The following PLCE1 variants were observed in gnomAD, a reference collection of about 807,000 sequenced individuals.
PLCE1 encodes phospholipase C epsilon 1, also known as 1-phosphatidylinositol 4,5-bisphosphate phosphodiesterase epsilon-1.
In PLCE1, 119 loss-of-function variants were observed where a neutral mutation model predicts 242.8. That is an observed-to-expected ratio of 0.49 (90% CI 0.42 to 0.57). PLCE1 has a LOEUF of 0.57. PLCE1 is among the 20% of genes least tolerant of loss of function. The probability of loss-of-function intolerance (pLI) is 0.00; values close to 1 mark genes in which losing one functional copy is unlikely to be tolerated. For missense variants in PLCE1, 2,441 were observed against 2,788.8 expected, an observed-to-expected ratio of 0.88 and a Z score of 2.81; for synonymous variants, 945 against 1,017.4, an observed-to-expected ratio of 0.93 and a Z score of 1.35.
At chr10:94,251,808 C>T (rs1263297090) in intron 8 of PLCE1, among the ~76,000 whole-genome samples, 1 of 152,080 alleles carries the variant, frequency 6.6e-6, no homozygotes, top group Non-Finnish European at 1.5e-5. Flanking sequence ...TTAGGAGCTC[C>T]CTGGGGCCCT....
chr10:94,311,698 G>A (rs564875534), intron 27 of PLCE1, among the ~76,000 whole-genome samples: 13 of 152,156 alleles, frequency 8.5e-5, no homozygotes, highest in Non-Finnish European at 1.5e-4. Flanking sequence ...TTGTGGTAGA[G>A]TCTTCCTAAT....
intron 4 of PLCE1, among the ~76,000 whole-genome samples, chr10:94,205,935 G>T (rs896880819): frequency 3.3e-5 from 5 of 152,224 alleles, no homozygotes; most frequent in Non-Finnish European, 7.3e-5. Flanking sequence ...TGTGTGCCAT[G>T]CACTGTTCTA....
intron 2 of PLCE1, among the ~76,000 whole-genome samples, chr10:94,062,292 A>G (rs1448002555): frequency 6.6e-6 from 1 of 150,734 alleles, no homozygotes; most frequent in South Asian, 2.1e-4. Context: ...GTTTTTTTTC[A>G]TTTTTGGAGG....
At chr10:94,308,213 T>C (rs771302788) in intron 26 of PLCE1, among the ~76,000 whole-genome samples, 1 of 152,244 alleles carries the variant, frequency 6.6e-6, no homozygotes, top group Non-Finnish European at 1.5e-5. Context: ...AATCTTCCAT[T>C]GTGGGAATGT....
intron 4 of PLCE1, among the ~76,000 whole-genome samples, chr10:94,171,939 C>T (rs1049291909): frequency 2.0e-5 from 3 of 152,156 alleles, no homozygotes; most frequent in Non-Finnish European, 4.4e-5. Context: ...GCAGAAACAC[C>T]TAGGTCACCA....
At chr10:94,072,440 C>T (rs2044388765) in intron 2 of PLCE1, among the ~76,000 whole-genome samples, 1 of 152,014 alleles carries the variant, frequency 6.6e-6, no homozygotes, top group Non-Finnish European at 1.5e-5. Flanking sequence ...CCATGCCTGG[C>T]TAAGTTTTTT....
At chr10:94,118,137 AT>A (rs975837481) in intron 2 of PLCE1, among the ~76,000 whole-genome samples, 4 of 152,162 alleles carry the variant, frequency 2.6e-5, no homozygotes, top group African/African-American at 9.7e-5. Flanking sequence ...AGAAGTTACA[AT>A]TTTTTTAAAC....
At chr10:94,303,456 G>T (rs1275324682) in intron 24 of PLCE1, among the ~76,000 whole-genome samples, 2 of 152,136 alleles carry the variant, frequency 1.3e-5, no homozygotes, top group Non-Finnish European at 2.9e-5. Flanking sequence ...CTCTGTGAAG[G>T]TTCCTGATGT....
intron 2 of PLCE1, among the ~76,000 whole-genome samples, chr10:94,045,846 CT>C (rs2061872096): frequency 6.6e-6 from 1 of 152,056 alleles, no homozygotes; most frequent in Non-Finnish European, 1.5e-5. Flanking sequence ...CACGCCTGTA[CT>C]CCCAGCACTT....
intron 4 of PLCE1, among the ~76,000 whole-genome samples, chr10:94,196,764 A>G (rs980866212): frequency 4.3e-4 from 66 of 152,170 alleles, no homozygotes; most frequent in African/African-American, 1.4e-3. Context: ...AAAGCACTCT[A>G]CTTTCTATAC....
intron 1 of PLCE1, among the ~76,000 whole-genome samples, chr10:94,020,692 T>C (rs1375937385): frequency 6.6e-6 from 1 of 152,132 alleles, no homozygotes; most frequent in Admixed American, 6.6e-5. Flanking sequence ...TGCAGAAGTT[T>C]TGTTGATCCA....
At chr10:94,016,028 T>A (rs909091315) in intron 1 of PLCE1, among the ~76,000 whole-genome samples, 2 of 152,194 alleles carry the variant, frequency 1.3e-5, no homozygotes, top group African/African-American at 4.8e-5. Flanking sequence ...TTGAGCAATC[T>A]GGAAGCCGCT....
chr10:94,148,826 T>C (rs2047192588), intron 3 of PLCE1, among the ~76,000 whole-genome samples: 1 of 152,160 alleles, frequency 6.6e-6, no homozygotes, highest in Admixed American at 6.5e-5. Context: ...GGGTCACAGA[T>C]CAGCCTTGCC....
intron 2 of PLCE1, among the ~76,000 whole-genome samples, chr10:94,054,252 A>G (rs2134841951): frequency 6.6e-6 from 1 of 152,320 alleles, no homozygotes; most frequent in African/African-American, 2.4e-5. Flanking sequence ...CTGGTTAGCT[A>G]TTTAACCAAA....
rs139768264 is a variant in PLCE1, at chr10:94,089,085, G to A, written c.1207-43089G>A. The A allele has an allele frequency of 8.7e-4, 1,400 of 1,612,902 alleles. No homozygotes were observed. The highest frequency in any genetic ancestry group is 7.0e-4 in the Non-Finnish European group (823 of 1,179,034). On this transcript the variant is annotated intron_variant, in intron 2 of 32. Transcript: ENST00000371380. ...GAGATTGGGCTTCATTCAGTGGGTC[G>A]TGGTGATTAATGGTTTCAGAAGGAA...
intron 19 of PLCE1, among the ~76,000 whole-genome samples, chr10:94,274,459 C>G (rs925652307): frequency 2.0e-5 from 3 of 152,168 alleles, no homozygotes; most frequent in Non-Finnish European, 2.9e-5. Flanking sequence ...ACATCCGAAC[C>G]TGCATATTCC....
At chr10:94,061,654 GC>G (rs760201262) in intron 2 of PLCE1, among the ~76,000 whole-genome samples, 9 of 151,492 alleles carry the variant, frequency 5.9e-5, no homozygotes, top group Non-Finnish European at 1.3e-4. Flanking sequence ...TTCAAGACCA[GC>G]CTGGGCAACA....
Position 94,085,810 on chromosome 10 carries a change from T to G in PLCE1, c.1207-46364T>G, listed in dbSNP as rs146566244. 5.3e-3 allele frequency among the ~76,000 whole-genome samples: 812 copies of G among 152,312 alleles called. 7 individuals are homozygous for G. The highest frequency in any genetic ancestry group is 0.018 in the African/African-American group (764 of 41,558). ...TAGCCTGTCACGAGCAGGCTGATCA[T>G]CCAGGGCCTGGCCTGGAAGACAGAC... On this transcript the variant is annotated intron_variant, in intron 2 of 32. Coordinates refer to ENST00000371380, the MANE Select transcript of PLCE1 (RefSeq NM_016341.4).
At chr10:94,233,180 A>G (rs1287207589) in intron 5 of PLCE1, among the ~76,000 whole-genome samples, 2 of 152,224 alleles carry the variant, frequency 1.3e-5, no homozygotes, top group Non-Finnish European at 2.9e-5. Flanking sequence ...GGGTCTCAGC[A>G]GGAGTTTCAG....
Sources: gnomAD v4.1 joint callset for allele counts (sites outside exome capture counted in the v4.1 genomes callset) on GRCh38, gnomAD v4.1.1 for gene constraint, MANE v1.5 for transcripts, NCBI Gene and HGNC (gene_info 2026-07-23, HGNC 2026-07-21) for gene names.